RPS6KA1: variants seen among roughly 807,000 people sequenced by gnomAD.
RPS6KA1 encodes the protein ribosomal protein S6 kinase A1.
In RPS6KA1, 48 loss-of-function variants were observed where a neutral mutation model predicts 91.3. The ratio of observed to expected loss-of-function variants is 0.53; its 90% confidence interval spans 0.42 to 0.67. The LOEUF is 0.67. Ranked by LOEUF, RPS6KA1 falls within the 30% of genes least tolerant of loss-of-function variation. The pLI, the probability that RPS6KA1 is intolerant of heterozygous loss-of-function variation, is 0.00. For synonymous variants in RPS6KA1, 359 were observed against 384.7 expected, an observed-to-expected ratio of 0.93 and a Z score of 0.78; for missense variants, 719 against 960.5, an observed-to-expected ratio of 0.75 and a Z score of 3.32.
intron 2 of RPS6KA1, chr1:26,543,091 G>A: frequency 1.3e-6 from 2 of 1,510,482 alleles, no homozygotes; most frequent in Non-Finnish European, 1.8e-6. Flanking sequence ...TGCCTTCTGG[G>A]CCAGGAAGGC....
intron 1 of RPS6KA1, among the ~76,000 whole-genome samples, 159 bp from the exon 2 acceptor site, chr1:26,536,766 A>G (rs1407204569): frequency 6.6e-6 from 1 of 152,206 alleles, no homozygotes; most frequent in African/African-American, 2.4e-5. Flanking sequence ...TGCCTACACC[A>G]TGAAAGTGGA....
At chr1:26,566,491 T>A (rs1411715665) in intron 17 of RPS6KA1, among the ~76,000 whole-genome samples, 2 of 152,070 alleles carry the variant, frequency 1.3e-5, no homozygotes. Flanking sequence ...TTCACCATGT[T>A]GGCCAAACTG....
In RPS6KA1 at chr1:26,571,566, C is replaced by A; in HGVS notation, c.1708C>A (p.Leu570Ile). ...FAKQLRAENG[L>I]LMTPCYTANF... Reference sequence around the variant, plus strand: ...CAAACAGCTGCGGGCTGAGAATGGGCTCCTCATGACACCTTGCTACACAGC... The same window carrying A: ...CAAACAGCTGCGGGCTGAGAATGGGATCCTCATGACACCTTGCTACACAGC... Residue 570 changes from leucine (L) to isoleucine (I), a missense_variant, in exon 18 of 22, where the codon CTC (leucine) becomes ATC (isoleucine). Leu to Ile is a conservative substitution (Grantham distance 5, BLOSUM62 2). Around this residue, in one of 5 missense-constraint regions of RPS6KA1, gnomAD observed 249 missense variants for 323.1 expected, o/e 0.77. Coordinates refer to ENST00000374168, the MANE Select transcript of RPS6KA1 (RefSeq NM_002953.4). The surrounding 1 kb of genome is among the most constrained non-coding windows in gnomAD (Gnocchi z 5.1). 1 of 1,614,184 alleles carries A rather than the reference C, an allele frequency of 6.2e-7. No homozygotes were observed. The highest frequency in any genetic ancestry group is 8.5e-7 in the Non-Finnish European group (1 of 1,180,022).
At chr1:26,557,300 T>A (rs1415861268) in intron 13 of RPS6KA1, among the ~76,000 whole-genome samples, 200 bp downstream of exon 13, 1 of 152,120 alleles carries the variant, frequency 6.6e-6, no homozygotes, top group Non-Finnish European at 1.5e-5. Flanking sequence ...TGGGGCTCTG[T>A]GGGTCTCTTT....
Position 26,561,111 on chromosome 1 carries a change from C to T in RPS6KA1, c.1408C>T (p.Pro470Ser). Residue 470 changes from proline (P) to serine (S), a missense_variant, in exon 16 of 22, where the codon CCC becomes TCC. Coordinates refer to ENST00000374168, the MANE Select transcript of RPS6KA1 (RefSeq NM_002953.4). This position sits in a 1 kb window ranked among gnomAD's most constrained non-coding sequence, Gnocchi z 5.7. ...GATTCTTCTGCGGTATGGCCAGCAC[C>T]CCAACATCATCACTCTGAAAGATGT... ...IEILLRYGQHPNIITLKDVYD... is the reference protein window; with the variant it reads ...IEILLRYGQHSNIITLKDVYD... The T allele has an allele frequency of 6.2e-7, 1 of 1,613,998 alleles. No homozygotes were observed. Among genetic ancestry groups the T allele is most frequent in the South Asian group, 1.1e-5 (1 of 91,060 alleles).
At chr1:26,557,764 C>T (rs1211259870) in intron 13 of RPS6KA1, among the ~76,000 whole-genome samples, 1 of 136,286 alleles carries the variant, frequency 7.3e-6, no homozygotes, top group Non-Finnish European at 1.6e-5. Flanking sequence ...CTCTCCTCTC[C>T]TCCCCTCCCC....
At position 26,555,404 on chromosome 1, in the gene RPS6KA1, C is replaced by T. The variant is rs2076091186; in HGVS notation, c.828-133C>T. 4.7e-6 allele frequency: 5 copies of T among 1,065,440 alleles called. No individual in the cohort carries two copies. The highest frequency in any genetic ancestry group is 5.6e-6 in the Non-Finnish European group (4 of 719,270). The allele number at this position is 1,065,440 out of a possible 1,614,324, so 66.0% of individuals were successfully genotyped here. A position where few individuals can be genotyped will look rare whatever the true frequency, so the allele number is the denominator to read the frequency against. ...CCCTGGGGGCCTGTGGGTAGGATCC[C>T]TGAAGCCTTTGGGAAGTGAATTAGT... On this transcript the variant is annotated intron_variant, in intron 10 of 21. Transcript: ENST00000374168. The surrounding 1 kb of genome is among the most constrained non-coding windows in gnomAD (Gnocchi z 4.3).
In RPS6KA1 at chr1:26,571,408, C is replaced by A; in HGVS notation, c.1591-41C>A. 1 of 1,604,558 alleles carries A rather than the reference C, an allele frequency of 6.2e-7. No homozygotes were observed. The highest frequency in any genetic ancestry group is 8.5e-7 in the Non-Finnish European group (1 of 1,172,712). ...GGCCGCTGACCTGGGCCACTAGCCACCTCCCCACACTGAGAACTGACCCCA... is the reference window on the plus strand; with the variant it reads ...GGCCGCTGACCTGGGCCACTAGCCAACTCCCCACACTGAGAACTGACCCCA... On this transcript the variant is annotated intron_variant, in intron 17 of 21. Coordinates refer to ENST00000374168, the MANE Select transcript of RPS6KA1 (RefSeq NM_002953.4). The surrounding 1 kb of genome is among the most constrained non-coding windows in gnomAD (Gnocchi z 5.1).
At chr1:26,530,023 G>A (rs1280792775) in intron 1 of RPS6KA1, 40 bp downstream of exon 1, 1 of 1,291,980 alleles carries the variant, frequency 7.7e-7, no homozygotes, top group Non-Finnish European at 9.8e-7. Flanking sequence ...CGCGGCCGGC[G>A]AGCCCGGATC....
At position 26,561,148 on chromosome 1, in the gene RPS6KA1, CT is replaced by C; in HGVS notation, c.1431+16del. 3.1e-6 allele frequency: 5 copies of C among 1,607,316 alleles called. No homozygotes were observed. Among genetic ancestry groups the C allele is most frequent in the Non-Finnish European group, 4.3e-6 (5 of 1,174,060 alleles). On this transcript the variant is annotated intron_variant, in intron 16 of 21. Coordinates refer to ENST00000374168, the MANE Select transcript of RPS6KA1 (RefSeq NM_002953.4). The surrounding 1 kb of genome is among the most constrained non-coding windows in gnomAD (Gnocchi z 5.7). ...ACTCTGAAAGATGTGAGTGGGGGTC[CT>C]TAAGACTGGGGTGGGGACCAGGAAC...
At position 26,551,334 on chromosome 1, in the gene RPS6KA1, G is replaced by A. The variant is rs921511327; in HGVS notation, c.308-63G>A. 7.0e-7 allele frequency: 1 copy of A among 1,425,254 alleles called. No homozygotes were observed. The highest frequency in any genetic ancestry group is 9.9e-7 in the Non-Finnish European group (1 of 1,010,042). 88.3% of individuals were successfully genotyped at this position (1,425,254 alleles called of 1,614,324 possible). On this transcript the variant is annotated intron_variant, in intron 4 of 21. Transcript: ENST00000374168. This position sits in a 1 kb window ranked among gnomAD's most constrained non-coding sequence, Gnocchi z 4.5. Reference sequence around the variant, plus strand: ...AAGTGGAAAAGAGATCCCTTAGCGGGGGCTTGGGAGTGGCTGTGTTGAGTG... The same window carrying A: ...AAGTGGAAAAGAGATCCCTTAGCGGAGGCTTGGGAGTGGCTGTGTTGAGTG...
At chr1:26,541,795 G>A (rs966274519) in intron 2 of RPS6KA1, among the ~76,000 whole-genome samples, 1 of 152,218 alleles carries the variant, frequency 6.6e-6, no homozygotes, top group African/African-American at 2.4e-5. Flanking sequence ...TGCCAGCTGG[G>A]GAAGGGGCTT....
chr1:26,557,104 C>T lies in RPS6KA1; in HGVS notation c.1084+4C>T, dbSNP rs549106255. 40 of 1,609,818 alleles carry T rather than the reference C, an allele frequency of 2.5e-5. No homozygotes were observed. The highest frequency in any genetic ancestry group is 6.7e-5 in the African/African-American group (5 of 74,972). On this transcript the variant is annotated splice_donor_region_variant and intron_variant, in intron 13 of 21. Transcript: ENST00000374168. ...TTCACGTCCCGCACACCCAAGGGTG[C>T]GTCCCTTATCTGTTTTGTCTGTCTT... is the stretch of plus-strand genomic sequence containing the variant.
In RPS6KA1 at chr1:26,561,734, C is replaced by T; in HGVS notation, c.1590+71C>T. 6.8e-7 allele frequency: 1 copy of T among 1,474,852 alleles called. No individual in the cohort carries two copies. Among genetic ancestry groups the T allele is most frequent in the African/African-American group, 1.4e-5 (1 of 71,262 alleles). 91.4% of individuals were successfully genotyped at this position (1,474,852 alleles called of 1,614,324 possible). On this transcript the variant is annotated intron_variant, in intron 17 of 21. Coordinates refer to ENST00000374168, the MANE Select transcript of RPS6KA1 (RefSeq NM_002953.4). The surrounding 1 kb of genome is among the most constrained non-coding windows in gnomAD (Gnocchi z 5.7). The stretch of plus-strand genomic sequence containing the variant: ...ATCATCAGCAGAGAACATGAACCAC[C>T]TGCTGGCCCAGGAATGGCAGCCTCC...
At position 26,561,686 on chromosome 1, in the gene RPS6KA1, A is replaced by G. The variant is rs1283109174; in HGVS notation, c.1590+23A>G. 4 of 1,573,502 alleles carry G rather than the reference A, an allele frequency of 2.5e-6. No individual in the cohort carries two copies. In the South Asian group the frequency reaches 4.7e-5, roughly 19 times the overall value. On this transcript the variant is annotated intron_variant, in intron 17 of 21. Coordinates refer to ENST00000374168, the MANE Select transcript of RPS6KA1 (RefSeq NM_002953.4). This position sits in a 1 kb window ranked among gnomAD's most constrained non-coding sequence, Gnocchi z 5.7. ...GGGGTGAGTCTGGATTCGGGGAGGC[A>G]GTAGGGGGATGCCAAGGGTCATATC...
intron 14 of RPS6KA1, among the ~76,000 whole-genome samples, chr1:26,559,280 T>C (rs1412124889): frequency 1.3e-5 from 2 of 152,224 alleles, no homozygotes; most frequent in Non-Finnish European, 2.9e-5. Flanking sequence ...CTACTGCTAA[T>C]GAAAGTTTCA....
chr1:26,554,107 G>T lies in RPS6KA1; in HGVS notation c.576-107G>T. On this transcript the variant is annotated intron_variant, in intron 7 of 21. Coordinates refer to ENST00000374168, the MANE Select transcript of RPS6KA1 (RefSeq NM_002953.4). This position sits in a 1 kb window ranked among gnomAD's most constrained non-coding sequence, Gnocchi z 4.6. The stretch of plus-strand genomic sequence containing the variant: ...CCCGCCCAGTCATCAGAGAGAATTG[G>T]GTGGAGCACCTCCTCTGGGCTGAAC... 3.4e-6 allele frequency: 4 copies of T among 1,169,946 alleles called. No individual in the cohort carries two copies. Among genetic ancestry groups the T allele is most frequent in the Non-Finnish European group, 4.8e-6 (4 of 825,690 alleles). The allele number at this position is 1,169,946 out of a possible 1,614,324, so 72.5% of individuals were successfully genotyped here.
chr1:26,544,247 G>T, intron 2 of RPS6KA1: 1 of 455,230 alleles, frequency 2.2e-6, no homozygotes, highest in Non-Finnish European at 4.4e-6. Context: ...CTCTGTCTGT[G>T]GTTGGGTTCC....
chr1:26,538,487 A>AG lies in RPS6KA1; in HGVS notation c.108+1519dup, dbSNP rs1478450688. Among the ~76,000 whole-genome samples, 4 of 152,314 alleles carry AG rather than the reference A, an allele frequency of 2.6e-5. No homozygotes were observed. In the East Asian group the frequency reaches 7.7e-4, roughly 29 times the overall value. The stretch of plus-strand genomic sequence containing the variant: ...CCTATGACTCTTGCTCTAGAGCAGA[A>AG]GATCCTGGGGTAGGAAGAGAGACAG... On this transcript the variant is annotated intron_variant, in intron 2 of 21. Transcript: ENST00000374168.
Sources: gnomAD v4.1 joint callset for allele counts (sites outside exome capture counted in the v4.1 genomes callset) on GRCh38, gnomAD v4.1.1 for gene constraint, gnomAD v4.1.1 regional missense constraint, Gnocchi (gnomAD v3.1) non-coding constraint, MANE v1.5 for transcripts, NCBI Gene and HGNC (gene_info 2026-07-23, HGNC 2026-07-21) for gene names.